PAIP1: variants seen among roughly 807,000 people sequenced by gnomAD.
PAIP1 encodes poly(A) binding protein interacting protein 1.
In PAIP1, 16 loss-of-function variants were observed where a neutral mutation model predicts 61.3. That is an observed-to-expected ratio of 0.26 (90% CI 0.18 to 0.40). The LOEUF is 0.40. Ranked by LOEUF, PAIP1 falls within the 10% of genes least tolerant of loss-of-function variation. PAIP1 has a pLI of 1.00. For synonymous variants in PAIP1, 187 were observed against 226.2 expected (o/e 0.83, Z 1.56); for missense variants, 416 against 600.9 (o/e 0.69, Z 3.22).
In PAIP1 at chr5:43,555,823, T is replaced by C. The variant is rs1405690941; in HGVS notation, c.435+7A>G. The C allele has an allele frequency of 1.4e-5, 23 of 1,602,984 alleles. No individual in the cohort carries two copies. Among genetic ancestry groups the C allele is most frequent in the Non-Finnish European group, 2.0e-5 (23 of 1,174,016 alleles). ...ACCCAGAGTTGTAGGAAAAAGGGTG[T>C]ACTTACTGTGTAACTGGAAGAATAA... is the stretch of plus-strand genomic sequence containing the variant. On this transcript the variant is annotated splice_region_variant and intron_variant, in intron 2 of 10. Coordinates refer to ENST00000306846, the MANE Select transcript of PAIP1 (RefSeq NM_006451.5).
At chr5:43,531,953 ACT>A (rs549487602) in intron 9 of PAIP1, among the ~76,000 whole-genome samples, 5 of 152,062 alleles carry the variant, frequency 3.3e-5, no homozygotes, top group Admixed American at 6.6e-5. Flanking sequence ...ATAACTTGAA[ACT>A]CTGAGAAAAG....
intron 2 of PAIP1, 128 bp downstream of exon 2, chr5:43,555,702 A>T (rs537516907): frequency 7.8e-6 from 5 of 642,762 alleles, no homozygotes. Flanking sequence ...CAATAATTCA[A>T]AACATTCACA....
At chr5:43,549,306 T>G (rs1360990412) in intron 2 of PAIP1, among the ~76,000 whole-genome samples, 1 of 152,192 alleles carries the variant, frequency 6.6e-6, no homozygotes, top group African/African-American at 2.4e-5. Context: ...GTGCTTGATA[T>G]GGTTTGGCTG....
chr5:43,543,334 A>G (rs561468546), intron 3 of PAIP1, among the ~76,000 whole-genome samples: 13 of 151,750 alleles, frequency 8.6e-5, no homozygotes, highest in Non-Finnish European at 1.8e-4. Flanking sequence ...AAAAGAAAAA[A>G]CCCATCAGTT....
chr5:43,543,365 G>A (rs1252280031), intron 3 of PAIP1, among the ~76,000 whole-genome samples: 2 of 149,608 alleles, frequency 1.3e-5, no homozygotes, highest in South Asian at 2.1e-4. Context: ...ACCAGAAAGC[G>A]AAGAGATAAT....
rs1290696705 is a variant in PAIP1 at position 43,556,932 on chromosome 5, A to C, written c.-86T>G. ...GGGGGGAAGGCGCCGCGGGTCGGCT[A>C]TAGCCGCCGCGCCTCACTCGGGCCT... On this transcript the variant is annotated 5_prime_UTR_variant, in exon 1 of 11. Transcript: ENST00000306846. 7.7e-7 allele frequency: 1 copy of C among 1,291,484 alleles called. No homozygotes were observed. The highest frequency in any genetic ancestry group is 1.6e-5 in the African/African-American group (1 of 64,246). The allele number at this position is 1,291,484 out of a possible 1,614,324, so 80.0% of individuals were successfully genotyped here.
At chr5:43,539,509 G>T (rs944160862) in intron 4 of PAIP1, among the ~76,000 whole-genome samples, 1 of 150,024 alleles carries the variant, frequency 6.7e-6, no homozygotes, top group South Asian at 2.1e-4. Flanking sequence ...AAAATAAAAT[G>T]AATTGTTTTT....
In PAIP1 at chr5:43,557,017, C is replaced by A; in HGVS notation, c.-171G>T. On this transcript the variant is annotated 5_prime_UTR_variant, in exon 1 of 11. Transcript: ENST00000306846. ...TGCTCGGTGCTTCTGGCGGAGCGGA[C>A]GGCAGCCCGAGCACCCGCCGCTCCA... 1.7e-6 allele frequency: 2 copies of A among 1,162,716 alleles called. No homozygotes were observed. Among genetic ancestry groups the A allele is most frequent in the Non-Finnish European group, 2.2e-6 (2 of 921,408 alleles). 72.0% of individuals were successfully genotyped at this position (1,162,716 alleles called of 1,614,324 possible). A position where few individuals can be genotyped will look rare whatever the true frequency, so the allele number is the denominator to read the frequency against.
At chr5:43,531,676 A>AAAAAAAAAAAAAG (rs70997407) in intron 9 of PAIP1, among the ~76,000 whole-genome samples, 5 of 143,104 alleles carry the variant, frequency 3.5e-5, no homozygotes, top group East Asian at 2.3e-4. Flanking sequence ...AAAAAAAAAA[A>AAAAAAAAAAAAAG]AGAGAAAAAA....
At chr5:43,545,231 G>C (rs911179996) in intron 3 of PAIP1, among the ~76,000 whole-genome samples, 9 of 152,136 alleles carry the variant, frequency 5.9e-5, no homozygotes, top group Admixed American at 5.2e-4. Context: ...GGAGCCTTCT[G>C]ACCTAGTCCA....
chr5:43,539,756 T>C (rs974177723), intron 4 of PAIP1, among the ~76,000 whole-genome samples: 2 of 152,344 alleles, frequency 1.3e-5, no homozygotes, highest in African/African-American at 2.4e-5. Flanking sequence ...TTGTCAGTCA[T>C]AGTTCCTACA....
intron 3 of PAIP1, among the ~76,000 whole-genome samples, chr5:43,546,904 A>T (rs1453629662): frequency 6.6e-6 from 1 of 151,850 alleles, no homozygotes; most frequent in Non-Finnish European, 1.5e-5. Flanking sequence ...TTAGCTGGGC[A>T]TGGTGGTGCA....
Position 43,556,894 on chromosome 5 carries a change from C to A in PAIP1, c.-48G>T. 1 of 1,345,962 alleles carries A rather than the reference C, an allele frequency of 7.4e-7. No homozygotes were observed. Among genetic ancestry groups the A allele is most frequent in the South Asian group, 1.9e-5 (1 of 53,938 alleles). The allele number at this position is 1,345,962 out of a possible 1,614,324, so 83.4% of individuals were successfully genotyped here. ...CTCCAGGGGCCGCTGCCGCTGCGCT[C>A]GCGATAGGACGCGGGGGGAAGGCGC... On this transcript the variant is annotated 5_prime_UTR_variant, in exon 1 of 11. Coordinates refer to ENST00000306846, the MANE Select transcript of PAIP1 (RefSeq NM_006451.5).
chr5:43,557,200 C>T (rs922872655), upstream of PAIP1: 39 of 188,866 alleles, frequency 2.1e-4, no homozygotes, highest in Non-Finnish European at 7.5e-5. Context: ...TCGCGGCTGG[C>T]CGGCCGCCGG....
chr5:43,556,599 C>A lies in PAIP1; in HGVS notation c.248G>T (p.Arg83Leu), dbSNP rs1005340018. ...CTCCGTACCTGGGAGCGCCCCGGGCCGGGAAGGCCGCTGGGGGCTGGCGGG... is the reference window on the plus strand; with the variant it reads ...CTCCGTACCTGGGAGCGCCCCGGGCAGGGAAGGCCGCTGGGGGCTGGCGGG... ...EVPASPQRPS[R>L]PGALPEQTRP... The change falls in exon 1 of 11, where the codon CGG becomes CTG. Residue 83 changes from arginine (R) to leucine (L), a missense_variant. Physicochemically the swap from Arg to Leu is moderately radical, Grantham distance 102 (BLOSUM62 -2). Transcript: ENST00000306846. 1.6e-5 allele frequency: 20 copies of A among 1,254,366 alleles called. No homozygotes were observed. In the African/African-American group the frequency reaches 2.9e-4, roughly 18 times the overall value. The allele number at this position is 1,254,366 out of a possible 1,614,324, so 77.7% of individuals were successfully genotyped here.
At position 43,542,046 on chromosome 5, in the gene PAIP1, C is replaced by T. The variant is rs573914089; in HGVS notation, c.734+958G>A. Among the ~76,000 whole-genome samples the T allele has an allele frequency of 8.7e-5, 13 of 149,978 alleles. 1 individual carries two copies. In the South Asian group the frequency reaches 2.3e-3, roughly 27 times the overall value. ...CAAAAATTAGCTGGGCATGGTGGTA[C>T]GCACCCATCATCCCAGCTACTGGGG... is the stretch of plus-strand genomic sequence containing the variant. On this transcript the variant is annotated intron_variant, in intron 4 of 10. Transcript: ENST00000306846.
intron 2 of PAIP1, among the ~76,000 whole-genome samples, chr5:43,553,796 G>A (rs1461979276): frequency 1.3e-5 from 2 of 152,094 alleles, no homozygotes; most frequent in Admixed American, 6.6e-5. Flanking sequence ...AAGCCAGAAA[G>A]CAAATTAGAG....
intron 10 of PAIP1, among the ~76,000 whole-genome samples, chr5:43,528,658 G>T (rs546487660): frequency 1.2e-4 from 18 of 151,564 alleles, no homozygotes; most frequent in Non-Finnish European, 1.8e-4. Context: ...TGTATTTCTA[G>T]ATCTCAAACC....
chr5:43,535,505 C>G (rs754417038), intron 7 of PAIP1, 29 bp downstream of exon 7: 9 of 1,192,488 alleles, frequency 7.5e-6, no homozygotes, highest in Non-Finnish European at 1.1e-5. Flanking sequence ...TTGAGATGCA[C>G]TGGCTATTTA....
Sources: allele counts gnomAD v4.1 joint callset (sites outside exome capture counted in the v4.1 genomes callset), GRCh38; gene constraint gnomAD v4.1.1; transcripts MANE v1.5; gene names NCBI Gene and HGNC (gene_info 2026-07-23, HGNC 2026-07-21).